Variants in TIFA observed in about 807,000 individuals in gnomAD.
TIFA encodes TRAF-interacting protein with FHA domain-containing protein A.
For synonymous variants in TIFA, 75 were observed against 79.2 expected (o/e 0.95, Z 0.28); for missense variants, 186 against 215.2 (o/e 0.86, Z 0.85).
At position 112,285,761 on chromosome 4, in the gene TIFA, GGTAA is replaced by G. The variant is rs994253867; in HGVS notation, c.-144_-141del. The G allele has an allele frequency of 4.6e-5, 7 of 152,368 alleles. No homozygotes were observed. The highest frequency in any genetic ancestry group is 8.8e-5 in the Non-Finnish European group (6 of 68,152). 9.4% of individuals were successfully genotyped at this position (152,368 alleles called of 1,614,324 possible). On this transcript the variant is annotated 5_prime_UTR_variant, in exon 1 of 2. Transcript: ENST00000361717. ...CACCCGGCCGCTGCTCCTCCGCGCG[GGTAA>G]GTGTGAGCCCCGGGGTGCGGGGAAC... is the stretch of plus-strand genomic sequence containing the variant.
Position 112,277,694 on chromosome 4 carries a change from T to TAGCATTAAA in TIFA, c.*167_*168insTTTAATGCT. On this transcript the variant is annotated 3_prime_UTR_variant, in exon 2 of 2. Coordinates refer to ENST00000361717, the MANE Select transcript of TIFA (RefSeq NM_052864.3). ...ATCCAGAATACAACAGGTGACTAAG[T>TAGCATTAAA]TAATGACTAACACAATTTACAGACT... is the stretch of plus-strand genomic sequence containing the variant. 2.1e-6 allele frequency: 1 copy of TAGCATTAAA among 483,056 alleles called. No homozygotes were observed. Among genetic ancestry groups the TAGCATTAAA allele is most frequent in the Non-Finnish European group, 3.2e-6 (1 of 313,850 alleles). The allele number at this position is 483,056 out of a possible 1,614,324, so 29.9% of individuals were successfully genotyped here.
intron 1 of TIFA, among the ~76,000 whole-genome samples, chr4:112,282,869 A>C (rs1727251788): frequency 6.6e-6 from 1 of 152,194 alleles, no homozygotes; most frequent in South Asian, 2.1e-4. Flanking sequence ...GAAGCAGCAC[A>C]TTCTGGGTGT....
At chr4:112,283,890 T>C (rs950164610) in intron 1 of TIFA, among the ~76,000 whole-genome samples, 19 of 152,294 alleles carry the variant, frequency 1.2e-4, no homozygotes, top group African/African-American at 4.6e-4. Context: ...TTTTATGGAA[T>C]TGACAGTGGT....
In TIFA at chr4:112,277,681, ACAGGTGACTAAGT is replaced by A; in HGVS notation, c.*168_*180del. 3.3e-5 allele frequency: 13 copies of A among 396,536 alleles called. No individual in the cohort carries two copies. Among genetic ancestry groups the A allele is most frequent in the South Asian group, 2.2e-4 (2 of 9,206 alleles). 24.6% of individuals were successfully genotyped at this position (396,536 alleles called of 1,614,324 possible). Reference sequence around the variant, plus strand: ...TAATTTTGTGTAGATCCAGAATACAACAGGTGACTAAGTTAATGACTAACACAATTTACAGACT... The same window carrying A: ...TAATTTTGTGTAGATCCAGAATACAATAATGACTAACACAATTTACAGACT... On this transcript the variant is annotated 3_prime_UTR_variant, in exon 2 of 2. Transcript: ENST00000361717.
At position 112,275,565 on chromosome 4, in the gene TIFA, A is replaced by G. The variant is rs1045932966; in HGVS notation, c.*2297T>C. The G allele has an allele frequency of 6.6e-6, 1 of 152,194 alleles. No homozygotes were observed. Among genetic ancestry groups the G allele is most frequent in the African/African-American group, 2.4e-5 (1 of 41,432 alleles). 9.4% of individuals were successfully genotyped at this position (152,194 alleles called of 1,614,324 possible). On this transcript the variant is annotated 3_prime_UTR_variant, in exon 2 of 2. Transcript: ENST00000361717. The stretch of plus-strand genomic sequence containing the variant: ...TATGGAAAGTGTTTCTATTCTTTGG[A>G]GAACAATATAAACTTTTAGCAACCC...
chr4:112,283,413 C>T (rs1001994062), intron 1 of TIFA, among the ~76,000 whole-genome samples: 5 of 152,082 alleles, frequency 3.3e-5, no homozygotes, highest in African/African-American at 4.8e-5. Context: ...TAGTACTCAT[C>T]GGTAATTGTG....
Position 112,278,125 on chromosome 4 carries a change from C to G in TIFA, c.292G>C (p.Val98Leu). ...KNMSKKTNLI[V>L]DSRELGYLNK... ...AGGTAGCCCAGCTCTCTGCTGTCCA[C>G]GATCAGATTGGTCTTTTTACTCATA... The change falls in exon 2 of 2, where the codon GTG becomes CTG. Residue 98 changes from valine to leucine, a missense_variant. By Grantham distance (32) the Val-to-Leu change is conservative. Transcript: ENST00000361717. The G allele has an allele frequency of 6.2e-7, 1 of 1,614,036 alleles. No individual in the cohort carries two copies. The highest frequency in any genetic ancestry group is 1.1e-5 in the South Asian group (1 of 91,068).
At chr4:112,280,450 A>C (rs1208216627) in intron 1 of TIFA, among the ~76,000 whole-genome samples, 1 of 148,874 alleles carries the variant, frequency 6.7e-6, no homozygotes, top group Non-Finnish European at 1.5e-5. Flanking sequence ...CCCAGGTTCA[A>C]GCAATTCTCC....
At position 112,275,066 on chromosome 4, in the gene TIFA, A is replaced by G. The variant is rs1727081904; in HGVS notation, c.*2796T>C. 1 of 152,126 alleles carries G rather than the reference A, an allele frequency of 6.6e-6. No individual in the cohort carries two copies. Among genetic ancestry groups the G allele is most frequent in the African/African-American group, 2.4e-5 (1 of 41,416 alleles). 9.4% of individuals were successfully genotyped at this position (152,126 alleles called of 1,614,324 possible). A position where few individuals can be genotyped will look rare whatever the true frequency, so the allele number is the denominator to read the frequency against. On this transcript the variant is annotated 3_prime_UTR_variant, in exon 2 of 2. Transcript: ENST00000361717. ...TTAGCTTCAGTACCTTGTATCAAAC[A>G]CCAATATTTTTGTTTGCCCCACCCC...
Position 112,278,238 on chromosome 4 carries a change from A to C in TIFA, c.179T>G (p.Phe60Cys), listed in dbSNP as rs758233841. Reference protein sequence around the residue: ...GRNSNICHYTFQDKQVSRVQF... With the variant: ...GRNSNICHYTCQDKQVSRVQF... ...AACTCGGGAAACCTGTTTGTCCTGAAAAGTATAATGACAGATGTTGGAATT... is the reference window on the plus strand; with the variant it reads ...AACTCGGGAAACCTGTTTGTCCTGACAAGTATAATGACAGATGTTGGAATT... The change falls in exon 2 of 2, where the codon TTT becomes TGT. Residue 60 changes from phenylalanine to cysteine, a missense_variant. Transcript: ENST00000361717. 6.2e-7 allele frequency: 1 copy of C among 1,614,014 alleles called. No homozygotes were observed. Among genetic ancestry groups the C allele is most frequent in the East Asian group, 2.2e-5 (1 of 44,884 alleles).
At position 112,278,425 on chromosome 4, in the gene TIFA, C is replaced by T. The variant is rs373367609; in HGVS notation, c.-9G>A. On this transcript the variant is annotated 5_prime_UTR_variant, in exon 2 of 2. In the 5' UTR this introduces an upstream ATG that the reference lacks. Transcript: ENST00000361717. ...TCTTCAAAACTGGTCATGATGTGCACAAGGCCCACCTGCAATAATTAAATT... is the reference window on the plus strand; with the variant it reads ...TCTTCAAAACTGGTCATGATGTGCATAAGGCCCACCTGCAATAATTAAATT... The T allele has an allele frequency of 6.6e-7, 1 of 1,526,264 alleles. No individual in the cohort carries two copies. The highest frequency in any genetic ancestry group is 8.8e-7 in the Non-Finnish European group (1 of 1,139,652). 94.5% of individuals were successfully genotyped at this position (1,526,264 alleles called of 1,614,324 possible).
chr4:112,277,687 G>GC lies in TIFA; in HGVS notation c.*174_*175insG. 2 of 441,760 alleles carry GC rather than the reference G, an allele frequency of 4.5e-6. No homozygotes were observed. Among genetic ancestry groups the GC allele is most frequent in the South Asian group, 6.7e-5 (1 of 14,880 alleles). 27.4% of individuals were successfully genotyped at this position (441,760 alleles called of 1,614,324 possible). ...TGTGTAGATCCAGAATACAACAGGTGACTAAGTTAATGACTAACACAATTT... is the reference window on the plus strand; with the variant it reads ...TGTGTAGATCCAGAATACAACAGGTGCACTAAGTTAATGACTAACACAATTT... On this transcript the variant is annotated 3_prime_UTR_variant, in exon 2 of 2. Coordinates refer to ENST00000361717, the MANE Select transcript of TIFA (RefSeq NM_052864.3).
In TIFA at chr4:112,274,877, A is replaced by G. The variant is rs1727075662; in HGVS notation, c.*2985T>C. The G allele has an allele frequency of 6.6e-6, 1 of 152,202 alleles. No individual in the cohort carries two copies. Among genetic ancestry groups the G allele is most frequent in the Admixed American group, 6.5e-5 (1 of 15,282 alleles). The allele number at this position is 152,202 out of a possible 1,614,324, so 9.4% of individuals were successfully genotyped here. Reference sequence around the variant, plus strand: ...GAACAGAATTCTCTAGAAAATGGTTATATGGCCTATGAGATTTAACCACTG... The same window carrying G: ...GAACAGAATTCTCTAGAAAATGGTTGTATGGCCTATGAGATTTAACCACTG... On this transcript the variant is annotated 3_prime_UTR_variant, in exon 2 of 2. Transcript: ENST00000361717.
chr4:112,285,328 G>A (rs1047143547), intron 1 of TIFA, among the ~76,000 whole-genome samples: 47 of 152,044 alleles, frequency 3.1e-4, no homozygotes, highest in African/African-American at 1.1e-3. Context: ...TGCATAAATG[G>A]CATTCGTTTT....
Position 112,278,180 on chromosome 4 carries a change from G to A in TIFA, c.237C>T (p.Asn79=), listed in dbSNP as rs774858038. ...TTATTTCAAAGGAGAGAACTGAGCT[G>A]TTGAATTTTTTAAACAGCTGCAGAG... is the stretch of plus-strand genomic sequence containing the variant. ...QFSLQLFKKF[N]SSVLSFEIKN... The change falls in exon 2 of 2, where the codon AAC becomes AAT. Residue 79 remains asparagine, a synonymous_variant. Coordinates refer to ENST00000361717, the MANE Select transcript of TIFA (RefSeq NM_052864.3). The A allele has an allele frequency of 2.5e-6, 4 of 1,613,554 alleles. No homozygotes were observed. The highest frequency in any genetic ancestry group is 3.4e-6 in the Non-Finnish European group (4 of 1,179,870).
rs537549372 is a variant in TIFA at position 112,278,378 on chromosome 4, T to C, written c.39A>G (p.Val13=). The change falls in exon 2 of 2, where the codon GTA becomes GTG. Residue 13 remains valine (V), a synonymous_variant. Transcript: ENST00000361717. ...SFEDADTEET[V]TCLQMTVYHP... ...GGTAAACCGTCATCTGGAGACAAGT[T>C]ACTGTCTCTTCTGTGTCAGCATCTT... The C allele has an allele frequency of 2.6e-5, 41 of 1,594,532 alleles. No homozygotes were observed. In the South Asian group the frequency reaches 4.6e-4, roughly 18 times the overall value.
At position 112,277,689 on chromosome 4, in the gene TIFA, C is replaced by CAGCCGGATCA; in HGVS notation, c.*172_*173insTGATCCGGCT. ...TGTAGATCCAGAATACAACAGGTGA[C>CAGCCGGATCA]TAAGTTAATGACTAACACAATTTAC... On this transcript the variant is annotated 3_prime_UTR_variant, in exon 2 of 2. Coordinates refer to ENST00000361717, the MANE Select transcript of TIFA (RefSeq NM_052864.3). The CAGCCGGATCA allele has an allele frequency of 2.2e-6, 1 of 445,528 alleles. No homozygotes were observed. The highest frequency in any genetic ancestry group is 3.6e-6 in the Non-Finnish European group (1 of 280,968). The allele number at this position is 445,528 out of a possible 1,614,324, so 27.6% of individuals were successfully genotyped here.
intron 1 of TIFA, among the ~76,000 whole-genome samples, chr4:112,284,868 C>G (rs1727291574): frequency 6.8e-6 from 1 of 146,460 alleles, no homozygotes; most frequent in African/African-American, 2.5e-5. Flanking sequence ...AATACTAAAA[C>G]CACAGGTCTT....
rs1268354995 is a variant in TIFA at position 112,285,873 on chromosome 4, C to T, written c.-252G>A. On this transcript the variant is annotated 5_prime_UTR_variant, in exon 1 of 2. Coordinates refer to ENST00000361717, the MANE Select transcript of TIFA (RefSeq NM_052864.3). Reference sequence around the variant, plus strand: ...CCTGCCTTCCCACTGGCTGGCAGAGCACGTCCTCTCGCGCCCGGGGCCTTT... The same window carrying T: ...CCTGCCTTCCCACTGGCTGGCAGAGTACGTCCTCTCGCGCCCGGGGCCTTT... The T allele has an allele frequency of 2.6e-5, 4 of 152,264 alleles. No homozygotes were observed. Among genetic ancestry groups the T allele is most frequent in the Non-Finnish European group, 5.9e-5 (4 of 68,056 alleles). 9.4% of individuals were successfully genotyped at this position (152,264 alleles called of 1,614,324 possible).
Sources: allele counts gnomAD v4.1 joint callset (sites outside exome capture counted in the v4.1 genomes callset), GRCh38; gene constraint gnomAD v4.1.1; transcripts MANE v1.5; gene names NCBI Gene and HGNC (gene_info 2026-07-23, HGNC 2026-07-21).